MGA: variants seen among roughly 807,000 people sequenced by gnomAD.
MGA encodes the protein MAX gene-associated protein.
Under a neutral mutation model 261.1 loss-of-function variants are expected in MGA, and 40 were observed. The observed-to-expected ratio is 0.15, with a 90% CI of 0.12 to 0.20. The LOEUF (loss-of-function observed/expected upper bound fraction) is 0.20, where lower values mean the gene tolerates loss of function less well. Ranked by LOEUF, MGA falls within the 10% of genes least tolerant of loss-of-function variation. The probability of loss-of-function intolerance (pLI) is 1.00; values close to 1 mark genes in which losing one functional copy is unlikely to be tolerated. For synonymous variants in MGA, 1,302 were observed against 1,290.6 expected (o/e 1.01, Z -0.19); for missense variants, 3,397 against 3,630.5 (o/e 0.94, Z 1.65).
At chr15:41,723,950 C>G (rs567081569) in intron 9 of MGA, among the ~76,000 whole-genome samples, 36 of 149,224 alleles carry the variant, frequency 2.4e-4, no homozygotes, top group South Asian at 1.9e-3. Flanking sequence ...AATAATCATT[C>G]TTGGTATCTT....
chr15:41,679,202 A>G (rs2058539504), intron 2 of MGA, among the ~76,000 whole-genome samples: 1 of 151,848 alleles, frequency 6.6e-6, no homozygotes, highest in Non-Finnish European at 1.5e-5. Context: ...TGCCCGGCTA[A>G]TTTTTTGTAT....
At chr15:41,686,986 A>C (rs563183577) in intron 2 of MGA, among the ~76,000 whole-genome samples, 2 of 152,212 alleles carry the variant, frequency 1.3e-5, no homozygotes, top group Admixed American at 1.3e-4. Flanking sequence ...AACACGTTGC[A>C]AAGTGTTCTG....
intron 7 of MGA, among the ~76,000 whole-genome samples, chr15:41,710,320 A>G (rs2060325403): frequency 6.6e-6 from 1 of 152,246 alleles, no homozygotes; most frequent in South Asian, 2.1e-4. Flanking sequence ...GCCCAAGACT[A>G]GAGAATGGAT....
chr15:41,651,063 G>T (rs966375744), intron 1 of MGA, among the ~76,000 whole-genome samples: 1 of 152,100 alleles, frequency 6.6e-6, no homozygotes, highest in Non-Finnish European at 1.5e-5. Context: ...AGGCAGAAGG[G>T]AGCATGTGAG....
At chr15:41,680,758 A>G (rs1386161331) in intron 2 of MGA, among the ~76,000 whole-genome samples, 2 of 152,214 alleles carry the variant, frequency 1.3e-5, no homozygotes, top group Non-Finnish European at 2.9e-5. Flanking sequence ...CTTCTGGGAC[A>G]TCAGTGTGTT....
At chr15:41,648,045 A>G (rs1019031341) in intron 1 of MGA, among the ~76,000 whole-genome samples, 2 of 152,132 alleles carry the variant, frequency 1.3e-5, no homozygotes, top group African/African-American at 4.8e-5. Context: ...AACCCATTTT[A>G]TTCTTATTCC....
intron 2 of MGA, among the ~76,000 whole-genome samples, chr15:41,677,461 A>G (rs1052298863): frequency 6.6e-6 from 1 of 152,108 alleles, no homozygotes; most frequent in East Asian, 1.9e-4. Context: ...TCGGGTATAT[A>G]CCTAGAAGTA....
In MGA at chr15:41,767,875, C is replaced by A. The variant is rs1294225727; in HGVS notation, c.*595C>A. ...GCTCCCATTCCCTCACCTTTTCAAT[C>A]AGAATTAACAAATTCAAGCCTTCAG... On this transcript the variant is annotated 3_prime_UTR_variant, in exon 24 of 24. Transcript: ENST00000219905. 1 of 152,714 alleles carries A rather than the reference C, an allele frequency of 6.5e-6. No individual in the cohort carries two copies. Among genetic ancestry groups the A allele is most frequent in the Middle Eastern group, 3.4e-3 (1 of 294 alleles). 9.5% of individuals were successfully genotyped at this position (152,714 alleles called of 1,614,324 possible).
At chr15:41,762,030 T>G (rs1488231357) in intron 21 of MGA, 99 bp from the exon 22 acceptor site, 166 of 1,111,202 alleles carry the variant, frequency 1.5e-4, no homozygotes, top group Non-Finnish European at 5.0e-5. Flanking sequence ...CTTTCCATAG[T>G]TTTTGGGAAT....
intron 2 of MGA, chr15:41,684,502 A>C (rs989768596): frequency 4.9e-5 from 19 of 389,166 alleles, no homozygotes; most frequent in African/African-American, 3.8e-4. Flanking sequence ...TCATGTATAA[A>C]GTTTTTGTTG....
chr15:41,681,500 G>A (rs1282546609), intron 2 of MGA, among the ~76,000 whole-genome samples: 3 of 151,754 alleles, frequency 2.0e-5, no homozygotes, highest in Non-Finnish European at 2.9e-5. Context: ...TGCCCAGGCT[G>A]GAGTGTAGTG....
chr15:41,635,448 G>A (rs916245811), intron 1 of MGA, among the ~76,000 whole-genome samples: 9 of 152,198 alleles, frequency 5.9e-5, no homozygotes, highest in Middle Eastern at 3.4e-3. Flanking sequence ...GGTGGCTCAC[G>A]CCAGTAATCC....
At chr15:41,644,527 A>C (rs1030299054) in intron 1 of MGA, among the ~76,000 whole-genome samples, 2 of 151,820 alleles carry the variant, frequency 1.3e-5, no homozygotes, top group Non-Finnish European at 2.9e-5. Flanking sequence ...CATGGTGATC[A>C]CGCACCTGTA....
In MGA at chr15:41,696,973, C is replaced by G. The variant is rs758377676; in HGVS notation, c.1963C>G (p.Pro655Ala). 5 of 1,597,268 alleles carry G rather than the reference C, an allele frequency of 3.1e-6. No individual in the cohort carries two copies. The highest frequency in any genetic ancestry group is 1.7e-4 in the Middle Eastern group (1 of 5,994). ...TGGGAGTACCTTTCCAGATGTGAAG[C>G]CTGATCTGGAAGATGTGGATGGTGT... is the stretch of plus-strand genomic sequence containing the variant. The change falls in exon 3 of 24, where the codon CCT (proline) becomes GCT (alanine). Residue 655 changes from proline (P) to alanine (A), a missense_variant. Physicochemically the swap from Pro to Ala is conservative, Grantham distance 27 (BLOSUM62 -1). Coordinates refer to ENST00000219905, the MANE Select transcript of MGA (RefSeq NM_001164273.2).
chr15:41,710,856 A>T lies in MGA; in HGVS notation c.2591A>T (p.Tyr864Phe). 1 of 1,613,998 alleles carries T rather than the reference A, an allele frequency of 6.2e-7. No homozygotes were observed. The highest frequency in any genetic ancestry group is 8.5e-7 in the Non-Finnish European group (1 of 1,179,880). Reference sequence around the variant, plus strand: ...CAGCTTCCCACTAAGAGTACCAGTTATGTACGAACACTTGATAGTGTACTA... The same window carrying T: ...CAGCTTCCCACTAAGAGTACCAGTTTTGTACGAACACTTGATAGTGTACTA... The change falls in exon 8 of 24, where the codon TAT becomes TTT. Residue 864 changes from tyrosine to phenylalanine, a missense_variant. Coordinates refer to ENST00000219905, the MANE Select transcript of MGA (RefSeq NM_001164273.2).
intron 2 of MGA, among the ~76,000 whole-genome samples, chr15:41,688,780 G>A (rs190206945): frequency 1.1e-3 from 162 of 152,246 alleles, no homozygotes; most frequent in Non-Finnish European, 1.7e-3. Context: ...ACAAAATATC[G>A]TAGATTGGCT....
At chr15:41,709,801 T>TC (rs1218153899) in intron 7 of MGA, among the ~76,000 whole-genome samples, 4 of 130,788 alleles carry the variant, frequency 3.1e-5, no homozygotes, top group African/African-American at 1.1e-4. Flanking sequence ...TTTTTTTTTT[T>TC]CCCCTGTTAT....
chr15:41,694,549 C>T (rs1331914302), intron 2 of MGA, among the ~76,000 whole-genome samples: 43 of 147,648 alleles, frequency 2.9e-4, no homozygotes, highest in African/African-American at 9.3e-4. Context: ...TTTTTTGAGA[C>T]GGAGTCTTGC....
At chr15:41,697,821 C>T (rs1490158159) in intron 3 of MGA, among the ~76,000 whole-genome samples, 1 of 152,160 alleles carries the variant, frequency 6.6e-6, no homozygotes, top group East Asian at 1.9e-4. Context: ...TCCACTCTGA[C>T]TCTTCAACCA....
Sources: allele counts gnomAD v4.1 joint callset (sites outside exome capture counted in the v4.1 genomes callset), GRCh38; gene constraint gnomAD v4.1.1; transcripts MANE v1.5; gene names NCBI Gene and HGNC (gene_info 2026-07-23, HGNC 2026-07-21).